Variants in EHD4 observed in about 807,000 individuals in gnomAD.
EHD4 encodes EH domain-containing protein 4.
In EHD4, 37 loss-of-function variants were observed where a neutral mutation model predicts 51.0. That is an observed-to-expected ratio of 0.73 (90% CI 0.56 to 0.95). EHD4 has a LOEUF of 0.95. Among genes scored for constraint, EHD4 ranks in the 40% least tolerant of loss-of-function variants. The pLI is 0.00. For synonymous variants in EHD4, 297 were observed against 317.3 expected (o/e 0.94, Z 0.68); for missense variants, 632 against 733.1 (o/e 0.86, Z 1.59).
At chr15:41,956,458 C>T (rs2067888714) in intron 1 of EHD4, among the ~76,000 whole-genome samples, 1 of 152,224 alleles carries the variant, frequency 6.6e-6, no homozygotes, top group Non-Finnish European at 1.5e-5. Context: ...GCCTGAATTA[C>T]TTTCTGATGT....
At chr15:41,959,798 C>G (rs942236490) in intron 1 of EHD4, among the ~76,000 whole-genome samples, 1 of 152,050 alleles carries the variant, frequency 6.6e-6, no homozygotes, top group Middle Eastern at 3.4e-3. Flanking sequence ...GGTGAAACCC[C>G]GTCTCTACTA....
At chr15:41,968,976 C>A (rs2067979064) in intron 1 of EHD4, among the ~76,000 whole-genome samples, 1 of 152,196 alleles carries the variant, frequency 6.6e-6, no homozygotes, top group Non-Finnish European at 1.5e-5. Context: ...GTTGTCCTAG[C>A]ACCATTTGTT....
chr15:41,963,315 GA>G (rs1487106291), intron 1 of EHD4, among the ~76,000 whole-genome samples: 2 of 114,060 alleles, frequency 1.8e-5, no homozygotes, highest in African/African-American at 6.0e-5. Context: ...AAAAAAAAAA[GA>G]GGCAGGGCAC....
intron 1 of EHD4, among the ~76,000 whole-genome samples, chr15:41,960,115 T>C (rs1369762005): frequency 6.6e-6 from 1 of 152,240 alleles, no homozygotes; most frequent in Non-Finnish European, 1.5e-5. Context: ...CAGTATGACC[T>C]GCACTATCAC....
chr15:41,926,425 T>C (rs1231969954), intron 3 of EHD4, among the ~76,000 whole-genome samples: 1 of 152,120 alleles, frequency 6.6e-6, no homozygotes, highest in African/African-American at 2.4e-5. Context: ...ATGTGGGCAT[T>C]CCTACCACTG....
chr15:41,970,833 A>G (rs1397984643), intron 1 of EHD4, among the ~76,000 whole-genome samples: 3 of 152,338 alleles, frequency 2.0e-5, no homozygotes, highest in African/African-American at 4.8e-5. Flanking sequence ...CCACTTGGCC[A>G]TAACACTTTA....
Position 41,955,563 on chromosome 15 carries a change from C to T in EHD4, c.237-1623G>A, listed in dbSNP as rs117673882. Among the ~76,000 whole-genome samples, 115 of 152,306 alleles carry T rather than the reference C, an allele frequency of 7.6e-4. 2 individuals carry two copies. The East Asian group carries it at 0.02, about 27-fold the overall frequency. ...ACAAGGGCCAGCTCTCCCTACTCTC[C>T]CTGGAGTAAAGCTGGGCTCAGGAGG... is the stretch of plus-strand genomic sequence containing the variant. On this transcript the variant is annotated intron_variant, in intron 1 of 5. Coordinates refer to ENST00000220325, the MANE Select transcript of EHD4 (RefSeq NM_139265.4).
intron 3 of EHD4, among the ~76,000 whole-genome samples, chr15:41,922,258 G>A (rs149641816): frequency 0.012 from 1,764 of 152,204 alleles, 9 homozygotes; most frequent in Middle Eastern, 0.041. Flanking sequence ...GTGTGGTGGC[G>A]TATGCATGTG....
chr15:41,900,500 C>T lies in EHD4; in HGVS notation c.*145G>A. 1 of 802,616 alleles carries T rather than the reference C, an allele frequency of 1.2e-6. No individual in the cohort carries two copies. The highest frequency in any genetic ancestry group is 1.9e-6 in the Non-Finnish European group (1 of 524,610). The allele number at this position is 802,616 out of a possible 1,614,324, so 49.7% of individuals were successfully genotyped here. A position where few individuals can be genotyped will look rare whatever the true frequency, so the allele number is the denominator to read the frequency against. On this transcript the variant is annotated 3_prime_UTR_variant, in exon 6 of 6. Transcript: ENST00000220325. The surrounding 1 kb of genome is among the most constrained non-coding windows in gnomAD (Gnocchi z 4.8). ...GAGGTGAAAGAAGTCATCTAGTTTC[C>T]AGTGTCCACCCTCCCCATTCTACAG...
At chr15:41,971,556 T>C (rs1330045906) in intron 1 of EHD4, among the ~76,000 whole-genome samples, 1 of 152,208 alleles carries the variant, frequency 6.6e-6, no homozygotes, top group African/African-American at 2.4e-5. Flanking sequence ...GCATGACAAA[T>C]ATTTTCAGTT....
At chr15:41,919,108 T>A in intron 4 of EHD4, 102 bp downstream of exon 4, 1 of 1,483,028 alleles carries the variant, frequency 6.7e-7, no homozygotes, top group Non-Finnish European at 9.3e-7. Context: ...GTTCATTCCT[T>A]AAGCCTTCTG....
At chr15:41,920,281 T>A (rs921943265) in intron 3 of EHD4, among the ~76,000 whole-genome samples, 4 of 152,252 alleles carry the variant, frequency 2.6e-5, no homozygotes, top group Admixed American at 2.6e-4. Context: ...TTTCTTTTTT[T>A]AAAATGGCCT....
intron 1 of EHD4, among the ~76,000 whole-genome samples, chr15:41,969,534 G>A (rs944365703): frequency 2.4e-4 from 36 of 147,448 alleles, no homozygotes; most frequent in Non-Finnish European, 5.2e-4. Flanking sequence ...CAACAACAGC[G>A]AAACTGTCTC....
At chr15:41,904,906 C>T (rs759963133) in intron 5 of EHD4, among the ~76,000 whole-genome samples, 16 of 152,238 alleles carry the variant, frequency 1.1e-4, no homozygotes, top group Non-Finnish European at 1.8e-4. Context: ...AGGGCCTGTC[C>T]CAGCTCAGGG....
At chr15:41,967,971 T>C (rs1461803775) in intron 1 of EHD4, among the ~76,000 whole-genome samples, 2 of 152,222 alleles carry the variant, frequency 1.3e-5, no homozygotes, top group African/African-American at 4.8e-5. Flanking sequence ...TAATCCCCTC[T>C]TGAACACAGC....
chr15:41,969,815 A>G (rs1446216221), intron 1 of EHD4, among the ~76,000 whole-genome samples: 2 of 152,168 alleles, frequency 1.3e-5, no homozygotes, highest in Non-Finnish European at 2.9e-5. Flanking sequence ...AAGGCAGAAG[A>G]GCCAACAGCA....
chr15:41,911,184 G>A (rs141785577), intron 4 of EHD4, among the ~76,000 whole-genome samples: 3 of 152,316 alleles, frequency 2.0e-5, no homozygotes, highest in African/African-American at 7.2e-5. Flanking sequence ...GTCAGACAAT[G>A]TCAACTTCCC....
In EHD4 at chr15:41,900,834, C is replaced by T; in HGVS notation, c.1437G>A (p.Leu479=). The T allele has an allele frequency of 6.2e-7, 1 of 1,614,200 alleles. No homozygotes were observed. Among genetic ancestry groups the T allele is most frequent in the East Asian group, 2.2e-5 (1 of 44,872 alleles). ...AGATCTTGCCCAGGACGCTGTTGGG[C>T]AGCTTGGAGGTCACCATCTCCTTCT... The part of the protein sequence containing the change: ...NAKKEMVTSK[L]PNSVLGKIWK... The change falls in exon 6 of 6, where the codon CTG becomes CTA. Residue 479 remains leucine (L), a synonymous_variant. Transcript: ENST00000220325. This position sits in a 1 kb window ranked among gnomAD's most constrained non-coding sequence, Gnocchi z 4.8.
At chr15:41,961,488 G>C (rs1375796317) in intron 1 of EHD4, among the ~76,000 whole-genome samples, 3 of 152,182 alleles carry the variant, frequency 2.0e-5, no homozygotes, top group Non-Finnish European at 4.4e-5. Flanking sequence ...ATCGTCATGA[G>C]GAGGTTATGG....
Sources: allele counts gnomAD v4.1 joint callset (sites outside exome capture counted in the v4.1 genomes callset), GRCh38; gene constraint gnomAD v4.1.1; non-coding constraint Gnocchi (gnomAD v3.1); transcripts MANE v1.5; gene names NCBI Gene and HGNC (gene_info 2026-07-23, HGNC 2026-07-21).